Variants in SOX5 observed in about 807,000 individuals in gnomAD.
The protein encoded by SOX5 is SRY-box transcription factor 5.
A neutral mutation model predicts 92.0 loss-of-function variants in SOX5; 9 were observed. The observed-to-expected ratio is 0.10, with a 90% CI of 0.06 to 0.17. The LOEUF (loss-of-function observed/expected upper bound fraction) is 0.17, where lower values mean the gene tolerates loss of function less well. SOX5 is among the 10% of genes least tolerant of loss of function. The pLI is 1.00. For missense variants in SOX5, 642 were observed against 944.5 expected, an observed-to-expected ratio of 0.68 and a Z score of 4.20; for synonymous variants, 344 against 336.3, an observed-to-expected ratio of 1.02 and a Z score of -0.25.
chr12:23,838,419 C>G (rs2096463228), intron 3 of SOX5, among the ~76,000 whole-genome samples: 1 of 151,594 alleles, frequency 6.6e-6, no homozygotes. Context: ...AAAAGTGAGT[C>G]TATTTATAGT....
intron 3 of SOX5, among the ~76,000 whole-genome samples, chr12:23,839,236 G>T (rs1228445953): frequency 6.6e-6 from 1 of 151,990 alleles, no homozygotes; most frequent in Non-Finnish European, 1.5e-5. Flanking sequence ...ACTTACTCAT[G>T]GGGATTGGCA....
chr12:24,420,140 A>C (rs1160360043), intron 1 of SOX5, among the ~76,000 whole-genome samples: 4 of 152,242 alleles, frequency 2.6e-5, no homozygotes, highest in Admixed American at 2.6e-4. Flanking sequence ...TTATTTTGAC[A>C]GGAAATTTGA....
chr12:24,009,815 A>G (rs1952707999), intron 4 of SOX5, among the ~76,000 whole-genome samples: 1 of 152,180 alleles, frequency 6.6e-6, no homozygotes, highest in Admixed American at 6.5e-5. Flanking sequence ...TCAAAATGGT[A>G]TTGGGTTCCC....
Position 23,773,748 on chromosome 12 carries a change from G to T in SOX5, c.482-18024C>A, listed in dbSNP as rs2095013106. Among the ~76,000 whole-genome samples, 4 of 151,948 alleles carry T rather than the reference G, an allele frequency of 2.6e-5. No homozygotes were observed. The South Asian group carries it at 8.3e-4, about 32-fold the overall frequency. ...AAAAAAAATTGAGTTTTACATATTTGCAGGTTTTGGAGATACAAAGACACC... is the reference window on the plus strand; with the variant it reads ...AAAAAAAATTGAGTTTTACATATTTTCAGGTTTTGGAGATACAAAGACACC... On this transcript the variant is annotated intron_variant, in intron 3 of 14. Coordinates refer to ENST00000451604, the MANE Select transcript of SOX5 (RefSeq NM_006940.6).
At chr12:24,507,292 G>A (rs767207399) in intron 1 of SOX5, among the ~76,000 whole-genome samples, 6 of 151,868 alleles carry the variant, frequency 4.0e-5, no homozygotes, top group Non-Finnish European at 8.8e-5. Context: ...AGGTATATAA[G>A]TAGATAATTA....
upstream of SOX5, among the ~76,000 whole-genome samples, chr12:23,950,709 A>C (rs1945476354): frequency 6.6e-6 from 1 of 152,224 alleles, no homozygotes; most frequent in African/African-American, 2.4e-5. Flanking sequence ...AAGGTGGACA[A>C]ACTATGGCTT....
At chr12:24,143,859 AAGG>A (rs951608754) in intron 4 of SOX5, among the ~76,000 whole-genome samples, 8 of 151,502 alleles carry the variant, frequency 5.3e-5, no homozygotes, top group Non-Finnish European at 1.2e-4. Flanking sequence ...AGGAAAGAAG[AAGG>A]AGGAGAAGGA....
chr12:24,274,821 T>A (rs954443910), intron 3 of SOX5, among the ~76,000 whole-genome samples: 1 of 152,168 alleles, frequency 6.6e-6, no homozygotes, highest in Non-Finnish European at 1.5e-5. Context: ...AATCCAGAAC[T>A]GCAGTACTCA....
In SOX5 at chr12:23,530,837, A is replaced by ATGTGTGTGTGTGTGTGTGTG. The variant is rs1555115200; in HGVS notation, c.*3381_*3382insCACACACACACACACACACA. On this transcript the variant is annotated 3_prime_UTR_variant, in exon 15 of 15. Transcript: ENST00000451604. Reference sequence around the variant, plus strand: ...TGTGTGTGCGCGCGCGCGCGCGCGCATGTGAGAGAGAGAGAGAAAGGGAAA... The same window carrying ATGTGTGTGTGTGTGTGTGTG: ...TGTGTGTGCGCGCGCGCGCGCGCGCATGTGTGTGTGTGTGTGTGTGTGTGAGAGAGAGAGAGAAAGGGAAA... 3 of 20,904 alleles carry ATGTGTGTGTGTGTGTGTGTG rather than the reference A, an allele frequency of 1.4e-4. No homozygotes were observed. Among genetic ancestry groups the ATGTGTGTGTGTGTGTGTGTG allele is most frequent in the Admixed American group, 4.9e-4 (1 of 2,060 alleles). 1.3% of individuals were successfully genotyped at this position (20,904 alleles called of 1,614,324 possible).
chr12:24,525,685 C>T (rs932583200), intron 1 of SOX5, among the ~76,000 whole-genome samples: 2 of 151,938 alleles, frequency 1.3e-5, no homozygotes, highest in African/African-American at 4.8e-5. Context: ...TCCTGGCTAA[C>T]GCAGTGAAAC....
intron 4 of SOX5, among the ~76,000 whole-genome samples, chr12:24,170,113 C>T (rs796742642): frequency 1.8e-4 from 27 of 152,198 alleles, no homozygotes; most frequent in African/African-American, 6.5e-4. Context: ...TTCTCAGGGG[C>T]TCGTGTCAGA....
chr12:23,914,926 G>A (rs940729299), intron 1 of SOX5, among the ~76,000 whole-genome samples: 8 of 152,004 alleles, frequency 5.3e-5, no homozygotes, highest in African/African-American at 1.9e-4. Flanking sequence ...TAAACTCTGA[G>A]CCAAAACCAA....
At chr12:24,503,217 A>G (rs978638751) in intron 1 of SOX5, among the ~76,000 whole-genome samples, 1 of 152,230 alleles carries the variant, frequency 6.6e-6, no homozygotes, top group Non-Finnish European at 1.5e-5. Flanking sequence ...TAACTTTTCT[A>G]TAAGTCTAAA....
chr12:24,042,997 G>C (rs973789422), intron 4 of SOX5, among the ~76,000 whole-genome samples: 3 of 152,168 alleles, frequency 2.0e-5, no homozygotes, highest in Non-Finnish European at 4.4e-5. Flanking sequence ...AGTATTAGTA[G>C]AGGAGAGACT....
At chr12:23,664,098 C>T (rs2139391299) in intron 7 of SOX5, among the ~76,000 whole-genome samples, 1 of 152,220 alleles carries the variant, frequency 6.6e-6, no homozygotes, top group Non-Finnish European at 1.5e-5. Context: ...ATCTTCTAAT[C>T]TCAAATTGCT....
rs183363586 is a variant in SOX5, at chr12:23,712,958, T to C, written c.810+21726A>G. On this transcript the variant is annotated intron_variant, in intron 6 of 14. Transcript: ENST00000451604. ...AATAGCTGTAGTAGGTTGAACTGTG[T>C]TCCCCCAAAAGATATGTCCAAGTCC... 5.4e-3 allele frequency among the ~76,000 whole-genome samples: 819 copies of C among 152,300 alleles called. 7 individuals are homozygous for C. The highest frequency in any genetic ancestry group is 0.019 in the South Asian group (91 of 4,826).
At chr12:24,195,510 C>T (rs1326752224) in intron 4 of SOX5, among the ~76,000 whole-genome samples, 2 of 152,196 alleles carry the variant, frequency 1.3e-5, no homozygotes, top group Non-Finnish European at 2.9e-5. Context: ...TACATATTTC[C>T]GTTGTACATA....
intron 8 of SOX5, among the ~76,000 whole-genome samples, chr12:23,621,252 C>T (rs1025912552): frequency 6.6e-6 from 1 of 151,750 alleles, no homozygotes; most frequent in African/African-American, 2.4e-5. Flanking sequence ...TGCAAATTCA[C>T]AGAGACAGAA....
At chr12:24,332,924 A>T (rs529225263) in intron 2 of SOX5, among the ~76,000 whole-genome samples, 1 of 152,312 alleles carries the variant, frequency 6.6e-6, no homozygotes, top group Non-Finnish European at 1.5e-5. Flanking sequence ...GACAGAGCCA[A>T]GATAGGAGCA....
Sources: gnomAD v4.1 joint callset for allele counts (sites outside exome capture counted in the v4.1 genomes callset) on GRCh38, gnomAD v4.1.1 for gene constraint, MANE v1.5 for transcripts, NCBI Gene and HGNC (gene_info 2026-07-23, HGNC 2026-07-21) for gene names.